Variants in THSD7A observed in about 807,000 individuals in gnomAD.
THSD7A encodes thrombospondin type 1 domain containing 7A.
A neutral mutation model predicts 231.3 loss-of-function variants in THSD7A; 96 were observed. The observed-to-expected ratio is 0.41, with a 90% CI of 0.35 to 0.49. The LOEUF is 0.49. THSD7A is among the 20% of genes least tolerant of loss of function. The pLI is 0.05. For missense variants in THSD7A, 2,290 were observed against 2,070.2 expected (o/e 1.11, Z -2.06); for synonymous variants, 940 against 743.3 (o/e 1.26, Z -4.30).
chr7:11,562,664 A>G (rs917206252), intron 4 of THSD7A, among the ~76,000 whole-genome samples: 2 of 152,228 alleles, frequency 1.3e-5, no homozygotes, highest in Non-Finnish European at 2.9e-5. Context: ...GCTTGATAAC[A>G]AGAGATTCCA....
chr7:11,507,920 A>T (rs1787621751), intron 6 of THSD7A, among the ~76,000 whole-genome samples: 1 of 152,208 alleles, frequency 6.6e-6, no homozygotes, highest in Admixed American at 6.5e-5. Flanking sequence ...TAATTTACAA[A>T]GGAAAGAGGT....
In THSD7A at chr7:11,636,488, C is replaced by G; in HGVS notation, c.664G>C (p.Val222Leu). Residue 222 changes from valine to leucine, a missense_variant, in exon 2 of 28, where the codon GTG (valine) becomes CTG (leucine). Transcript: ENST00000423059. The surrounding 1 kb of genome is among the most constrained non-coding windows in gnomAD (Gnocchi z 10.0). ...SGLQHRTRHV[V>L]APPQFGGSGC... ...GAGCCTCCGAACTGCGGGGGCGCCA[C>G]CACATGACGCGTCCGGTGCTGGAGC... The G allele has an allele frequency of 6.2e-7, 1 of 1,613,830 alleles. No individual in the cohort carries two copies. The highest frequency in any genetic ancestry group is 8.5e-7 in the Non-Finnish European group (1 of 1,179,854).
chr7:11,423,931 A>G (rs534920864), intron 16 of THSD7A, among the ~76,000 whole-genome samples: 1 of 152,194 alleles, frequency 6.6e-6, no homozygotes, highest in Non-Finnish European at 1.5e-5. Context: ...AATTCCTATG[A>G]ATATGTGGGG....
intron 4 of THSD7A, among the ~76,000 whole-genome samples, chr7:11,571,999 G>A (rs1456408423): frequency 6.6e-6 from 1 of 151,620 alleles, no homozygotes; most frequent in Non-Finnish European, 1.5e-5. Flanking sequence ...TATGTTTTCT[G>A]TCAGATCATT....
chr7:11,398,627 A>G (rs1978137), intron 23 of THSD7A, among the ~76,000 whole-genome samples: 58,178 of 152,042 alleles, frequency 0.38, 11,499 homozygotes, highest in African/African-American at 0.47. Flanking sequence ...TAGGAGTTGA[A>G]GTATTGCTCC....
chr7:11,515,915 G>T (rs17633522), intron 6 of THSD7A, among the ~76,000 whole-genome samples: 2 of 152,002 alleles, frequency 1.3e-5, no homozygotes, highest in Admixed American at 1.3e-4. Context: ...CCCAAACTCA[G>T]TTAAAAGCCT....
At chr7:11,766,087 G>A (rs890575564) in intron 1 of THSD7A, among the ~76,000 whole-genome samples, 2 of 152,058 alleles carry the variant, frequency 1.3e-5, no homozygotes, top group African/African-American at 4.8e-5. Flanking sequence ...TGTGTGGAAG[G>A]GCAGTGAATT....
intron 1 of THSD7A, among the ~76,000 whole-genome samples, chr7:11,677,995 C>G (rs1034353406): frequency 6.2e-4 from 95 of 152,176 alleles, no homozygotes; most frequent in African/African-American, 2.2e-3. Flanking sequence ...AACAAACAGT[C>G]TCTCAGACCA....
intron 2 of THSD7A, 29 bp from the exon 3 acceptor site, chr7:11,593,531 C>A: frequency 1.9e-6 from 3 of 1,607,122 alleles, no homozygotes; most frequent in Non-Finnish European, 2.6e-6. Context: ...ATTCTCATTA[C>A]AGACTCACAG....
At chr7:11,775,229 C>A (rs981186144) in intron 1 of THSD7A, among the ~76,000 whole-genome samples, 1 of 152,084 alleles carries the variant, frequency 6.6e-6, no homozygotes, top group Non-Finnish European at 1.5e-5. Flanking sequence ...GAAATTGGAA[C>A]CCTTGTGCTT....
intron 1 of THSD7A, among the ~76,000 whole-genome samples, chr7:11,758,998 C>T (rs894147234): frequency 3.3e-5 from 5 of 152,018 alleles, no homozygotes; most frequent in African/African-American, 9.7e-5. Context: ...AAAAAATTAG[C>T]TTTAAATTGC....
intron 22 of THSD7A, among the ~76,000 whole-genome samples, chr7:11,402,731 C>G (rs961318556): frequency 6.6e-6 from 1 of 152,102 alleles, no homozygotes; most frequent in Admixed American, 6.5e-5. Flanking sequence ...ACCATATGTA[C>G]TTTTTGGTGT....
intron 9 of THSD7A, among the ~76,000 whole-genome samples, chr7:11,462,579 T>C (rs547487356): frequency 6.6e-6 from 1 of 152,210 alleles, no homozygotes; most frequent in South Asian, 2.1e-4. Flanking sequence ...TTCAGTGCTA[T>C]AATGTGAAAT....
intron 6 of THSD7A, among the ~76,000 whole-genome samples, chr7:11,491,622 T>C (rs1786898051): frequency 6.6e-6 from 1 of 151,866 alleles, no homozygotes; most frequent in Non-Finnish European, 1.5e-5. Flanking sequence ...TAAGATAAAT[T>C]ATATATCATA....
intron 2 of THSD7A, among the ~76,000 whole-genome samples, chr7:11,613,288 A>T (rs777098189): frequency 2.0e-5 from 3 of 152,208 alleles, no homozygotes; most frequent in African/African-American, 4.8e-5. Flanking sequence ...AGAGAAGCAT[A>T]CACAACATTT....
chr7:11,819,419 C>T (rs540819743), intron 1 of THSD7A, among the ~76,000 whole-genome samples: 2 of 152,242 alleles, frequency 1.3e-5, no homozygotes, highest in Non-Finnish European at 2.9e-5. Context: ...ACCAAGATGC[C>T]TTTAAATAGG....
chr7:11,602,979 T>C (rs573641495), intron 2 of THSD7A, among the ~76,000 whole-genome samples: 2 of 151,432 alleles, frequency 1.3e-5, no homozygotes, highest in East Asian at 4.0e-4. Flanking sequence ...AAGGACTTCA[T>C]GTCTAAAACA....
intron 23 of THSD7A, chr7:11,385,513 C>T (rs557216679): frequency 2.0e-5 from 3 of 151,830 alleles, no homozygotes; most frequent in Non-Finnish European, 4.4e-5. Context: ...TTTAGAAATA[C>T]CTTTTAATGT....
chr7:11,615,879 A>G (rs958948297), intron 2 of THSD7A, among the ~76,000 whole-genome samples: 1 of 152,148 alleles, frequency 6.6e-6, no homozygotes, highest in African/African-American at 2.4e-5. Context: ...TTAATGAAGG[A>G]AACACACTCA....
Sources: allele counts gnomAD v4.1 joint callset (sites outside exome capture counted in the v4.1 genomes callset), GRCh38; gene constraint gnomAD v4.1.1; non-coding constraint Gnocchi (gnomAD v3.1); transcripts MANE v1.5; gene names NCBI Gene and HGNC (gene_info 2026-07-23, HGNC 2026-07-21).